FGGY: variants seen among roughly 807,000 people sequenced by gnomAD.
FGGY encodes the protein FGGY carbohydrate kinase domain-containing protein.
In FGGY, 72 loss-of-function variants were observed where a neutral mutation model predicts 71.3. The ratio of observed to expected loss-of-function variants is 1.01; its 90% CI spans 0.84 to 1.23. The LOEUF (loss-of-function observed/expected upper bound fraction) is 1.23. Ranked by LOEUF, FGGY falls within the 50% of genes most tolerant of loss-of-function variation. FGGY has a pLI of 0.00. For missense variants in FGGY, 668 were observed against 682.3 expected, an observed-to-expected ratio of 0.98 and a Z score of 0.23; for synonymous variants, 251 against 250.3, an observed-to-expected ratio of 1.00 and a Z score of -0.02.
chr1:59,605,658 T>A (rs1317586154), intron 8 of FGGY, among the ~76,000 whole-genome samples: 1 of 152,232 alleles, frequency 6.6e-6, no homozygotes, highest in Non-Finnish European at 1.5e-5. Flanking sequence ...CACAATGTTA[T>A]GCTGTTTTTG....
chr1:59,424,132 A>C (rs544680120), intron 5 of FGGY, among the ~76,000 whole-genome samples: 1 of 152,264 alleles, frequency 6.6e-6, no homozygotes, highest in African/African-American at 2.4e-5. Context: ...TAATCAATGC[A>C]TGAAGATGTG....
chr1:59,355,426 T>G (rs79747873), intron 4 of FGGY, among the ~76,000 whole-genome samples: 1 of 152,210 alleles, frequency 6.6e-6, no homozygotes, highest in African/African-American at 2.4e-5. Flanking sequence ...CTGTTCATGG[T>G]TGGAAGAGTT....
chr1:59,740,593 ATTAT>A (rs2098139370), intron 14 of FGGY, among the ~76,000 whole-genome samples: 1 of 152,212 alleles, frequency 6.6e-6, no homozygotes, highest in Non-Finnish European at 1.5e-5. Context: ...CTTTCTATTG[ATTAT>A]TTATCAGTAT....
At chr1:59,667,201 C>A in intron 12 of FGGY, 82 bp from the exon 13 acceptor site, 1 of 1,509,010 alleles carries the variant, frequency 6.6e-7, no homozygotes, top group Non-Finnish European at 9.2e-7. Flanking sequence ...CAGTGTCTAG[C>A]ACTGAGTAGA....
chr1:59,430,329 C>T (rs2067115839), intron 5 of FGGY, among the ~76,000 whole-genome samples: 1 of 152,144 alleles, frequency 6.6e-6, no homozygotes, highest in African/African-American at 2.4e-5. Context: ...TCTGAATGTT[C>T]TCTGTGGTAC....
intron 14 of FGGY, among the ~76,000 whole-genome samples, chr1:59,689,259 T>C (rs2097570464): frequency 6.6e-6 from 1 of 152,090 alleles, no homozygotes; most frequent in African/African-American, 2.4e-5. Context: ...GAAACATTAA[T>C]TTAGGACAGG....
intron 14 of FGGY, chr1:59,755,994 A>AC (rs2098287275): frequency 1.3e-5 from 2 of 152,240 alleles, no homozygotes; most frequent in African/African-American, 2.4e-5. Context: ...GATTGCTGAG[A>AC]CCATCTCAAC....
chr1:59,514,990 G>A (rs948738003), intron 7 of FGGY, among the ~76,000 whole-genome samples: 2 of 152,188 alleles, frequency 1.3e-5, no homozygotes, highest in Admixed American at 6.5e-5. Flanking sequence ...AGCTCATAGA[G>A]GGAAGAGACT....
intron 11 of FGGY, among the ~76,000 whole-genome samples, chr1:59,640,485 T>A (rs1017818740): frequency 1.3e-5 from 2 of 152,192 alleles, no homozygotes; most frequent in African/African-American, 4.8e-5. Flanking sequence ...AATACCTACC[T>A]TCATGGAGTA....
chr1:59,402,674 A>C (rs2062126522), intron 5 of FGGY, among the ~76,000 whole-genome samples: 1 of 152,148 alleles, frequency 6.6e-6, no homozygotes, highest in South Asian at 2.1e-4. Context: ...GGGTTTAGGG[A>C]TTTCCAGGCA....
intron 7 of FGGY, among the ~76,000 whole-genome samples, chr1:59,524,363 C>A (rs2094917920): frequency 6.6e-6 from 1 of 152,216 alleles, no homozygotes; most frequent in South Asian, 2.1e-4. Context: ...AGCAGACAGG[C>A]TCCTGGGCAG....
chr1:59,387,796 C>A (rs952115778), intron 5 of FGGY, among the ~76,000 whole-genome samples: 1 of 152,108 alleles, frequency 6.6e-6, no homozygotes, highest in Non-Finnish European at 1.5e-5. Context: ...AAATTGCAGA[C>A]CTCACAGTAT....
At chr1:59,412,132 C>T (rs1327357973) in intron 5 of FGGY, among the ~76,000 whole-genome samples, 2 of 152,122 alleles carry the variant, frequency 1.3e-5, no homozygotes, top group Admixed American at 6.5e-5. Context: ...CTGCCGTGAC[C>T]AAGTTTGCAT....
intron 7 of FGGY, among the ~76,000 whole-genome samples, chr1:59,529,956 A>C (rs186376297): frequency 2.4e-4 from 37 of 152,330 alleles, no homozygotes; most frequent in Admixed American, 2.4e-3. Context: ...GCTATTACTA[A>C]ATTAAATGTA....
At chr1:59,482,570 A>ATGTGTGTGTG (rs5774470) in intron 6 of FGGY, among the ~76,000 whole-genome samples, 4 of 147,956 alleles carry the variant, frequency 2.7e-5, no homozygotes, top group Admixed American at 6.8e-5. Context: ...GTGTATATAT[A>ATGTGTGTGTG]TGTGTGTGTG....
intron 5 of FGGY, among the ~76,000 whole-genome samples, chr1:59,405,224 C>T (rs1420007523): frequency 6.6e-6 from 1 of 152,114 alleles, no homozygotes; most frequent in African/African-American, 2.4e-5. Context: ...ATAGTAAAAG[C>T]AGCTTAGTGA....
intron 6 of FGGY, among the ~76,000 whole-genome samples, chr1:59,463,940 A>G (rs1410091854): frequency 6.6e-6 from 1 of 152,220 alleles, no homozygotes; most frequent in African/African-American, 2.4e-5. Flanking sequence ...CCCACTGTCA[A>G]TATTCCACAG....
At chr1:59,605,480 G>A (rs1417036381) in intron 8 of FGGY, among the ~76,000 whole-genome samples, 1 of 152,166 alleles carries the variant, frequency 6.6e-6, no homozygotes, top group Non-Finnish European at 1.5e-5. Flanking sequence ...CCTGGACTGG[G>A]AACTCAGGAA....
chr1:59,643,932 A>G (rs536857833), intron 11 of FGGY, among the ~76,000 whole-genome samples: 2 of 152,324 alleles, frequency 1.3e-5, no homozygotes, highest in Non-Finnish European at 2.9e-5. Flanking sequence ...GCCTTTTAGG[A>G]TGCAAACTCT....
Sources: gnomAD v4.1 joint callset for allele counts (sites outside exome capture counted in the v4.1 genomes callset) on GRCh38, gnomAD v4.1.1 for gene constraint, MANE v1.5 for transcripts, NCBI Gene and HGNC (gene_info 2026-07-23, HGNC 2026-07-21) for gene names.